Variants in NFX1 observed in about 807,000 individuals in gnomAD.
The protein encoded by NFX1 is transcriptional repressor NF-X1.
NFX1 carries 69 observed loss-of-function variants against 137.2 expected under a neutral mutation model. The ratio of observed to expected loss-of-function variants is 0.50; its 90% CI spans 0.41 to 0.61. The LOEUF (loss-of-function observed/expected upper bound fraction) is 0.61, where lower values mean the gene tolerates loss of function less well. NFX1 is among the 20% of genes least tolerant of loss of function. The probability of loss-of-function intolerance (pLI) is 0.00; values close to 1 mark genes in which losing one functional copy is unlikely to be tolerated. For synonymous variants in NFX1, 495 were observed against 474.1 expected (o/e 1.04, Z -0.57); for missense variants, 1,167 against 1,391.0 (o/e 0.84, Z 2.56).
At chr9:33,348,601 C>T (rs914091215) in intron 15 of NFX1, 21 of 205,238 alleles carry the variant, frequency 1.0e-4, no homozygotes, top group African/African-American at 3.5e-4. Flanking sequence ...GATGCAGACA[C>T]GAAATGAGCA....
chr9:33,296,087 TG>T (rs1002244345), intron 2 of NFX1, among the ~76,000 whole-genome samples: 12 of 152,086 alleles, frequency 7.9e-5, no homozygotes, highest in Admixed American at 7.2e-4. Context: ...CCACCATGCT[TG>T]GCTGATTTTT....
In NFX1 at chr9:33,354,909, G is replaced by A. The variant is rs1343946742; in HGVS notation, c.2873+17G>A. The stretch of plus-strand genomic sequence containing the variant: ...AAGGAAAAAGTAAGTAGTTGCAGCT[G>A]CTTTTTTAATCTCCTTGCCCTTGAG... On this transcript the variant is annotated intron_variant, in intron 19 of 23. Coordinates refer to ENST00000379540, the MANE Select transcript of NFX1 (RefSeq NM_002504.6). 2 of 1,613,334 alleles carry A rather than the reference G, an allele frequency of 1.2e-6. No homozygotes were observed. Among genetic ancestry groups the A allele is most frequent in the East Asian group, 2.2e-5 (1 of 44,880 alleles).
At position 33,370,144 on chromosome 9, in the gene NFX1, T is replaced by C. The variant is rs1587888046; in HGVS notation, c.*166T>C. On this transcript the variant is annotated 3_prime_UTR_variant, in exon 24 of 24. Coordinates refer to ENST00000379540, the MANE Select transcript of NFX1 (RefSeq NM_002504.6). ...GAGTGTGTCAGAAATCCCTTGTCTATTCCTGTCTGTATAAAGTGTTTCATT... is the reference window on the plus strand; with the variant it reads ...GAGTGTGTCAGAAATCCCTTGTCTACTCCTGTCTGTATAAAGTGTTTCATT... 3.9e-5 allele frequency: 23 copies of C among 585,664 alleles called. No homozygotes were observed. The East Asian group carries it at 6.7e-4, about 17-fold the overall frequency. 36.3% of individuals were successfully genotyped at this position (585,664 alleles called of 1,614,324 possible).
In NFX1 at chr9:33,318,809, G is replaced by A. The variant is rs1822274053; in HGVS notation, c.1667G>A (p.Ser556Asn). 1.2e-6 allele frequency: 2 copies of A among 1,614,104 alleles called. No individual in the cohort carries two copies. Among genetic ancestry groups the A allele is most frequent in the Non-Finnish European group, 8.5e-7 (1 of 1,180,048 alleles). The change falls in exon 8 of 24, where the codon AGC (serine) becomes AAC (asparagine). Residue 556 changes from serine to asparagine, a missense_variant. By Grantham distance (46) the Ser-to-Asn change is conservative. Transcript: ENST00000379540. ...AAGTCTGATGGATTTGGGGATTTCA[G>A]CTGTTTAAAGATATGTGGCAAGTAA... is the stretch of plus-strand genomic sequence containing the variant. ...VGKSDGFGDF[S>N]CLKICGKDLK...
At position 33,295,367 on chromosome 9, in the gene NFX1, G is replaced by C; in HGVS notation, c.973G>C (p.Val325Leu). Residue 325 changes from valine (V) to leucine (L), a missense_variant, in exon 2 of 24, where the codon GTA (valine) becomes CTA (leucine). Around this residue, in one of 3 missense-constraint regions of NFX1, gnomAD observed 488 missense variants for 691.5 expected, o/e 0.71. Coordinates refer to ENST00000379540, the MANE Select transcript of NFX1 (RefSeq NM_002504.6). ...TGTACGGAGGCAGGATCCTCAAGTA[G>C]TATCTCCTTTCTCCCGAGGCAAACA... ...CTVRRQDPQVVSPFSRGKQNH... is the reference protein window; with the variant it reads ...CTVRRQDPQVLSPFSRGKQNH... 6.2e-7 allele frequency: 1 copy of C among 1,614,106 alleles called. No homozygotes were observed. The highest frequency in any genetic ancestry group is 1.7e-5 in the Admixed American group (1 of 60,022).
At chr9:33,296,718 T>C (rs1041442638) in intron 2 of NFX1, among the ~76,000 whole-genome samples, 1 of 152,168 alleles carries the variant, frequency 6.6e-6, no homozygotes, top group African/African-American at 2.4e-5. Flanking sequence ...AGCAAGACCC[T>C]GTTTTGCGGG....
At chr9:33,332,008 G>A (rs1822824978) in intron 10 of NFX1, among the ~76,000 whole-genome samples, 1 of 152,174 alleles carries the variant, frequency 6.6e-6, no homozygotes, top group African/African-American at 2.4e-5. Flanking sequence ...CTGTAGTTTT[G>A]TGATATTATC....
chr9:33,351,298 A>G (rs1249102181), intron 15 of NFX1, among the ~76,000 whole-genome samples: 1 of 152,062 alleles, frequency 6.6e-6, no homozygotes, highest in Non-Finnish European at 1.5e-5. Context: ...TCTCTTAAAA[A>G]AAAATTCAAA....
intron 3 of NFX1, among the ~76,000 whole-genome samples, chr9:33,302,967 CTTTT>C (rs35723578): frequency 1.7e-5 from 2 of 119,296 alleles, no homozygotes; most frequent in East Asian, 2.3e-4. Context: ...CACACCTGGC[CTTTT>C]TTTTTTTTTT....
chr9:33,328,833 A>G (rs965805572), intron 10 of NFX1, among the ~76,000 whole-genome samples, 155 bp downstream of exon 10: 8 of 152,194 alleles, frequency 5.3e-5, no homozygotes, highest in Non-Finnish European at 7.3e-5. Context: ...TAAGGCAAAT[A>G]TACAGATCAC....
intron 4 of NFX1, among the ~76,000 whole-genome samples, chr9:33,306,275 G>T (rs141827607): frequency 6.6e-6 from 1 of 152,174 alleles, no homozygotes; most frequent in African/African-American, 2.4e-5. Flanking sequence ...CAGAGTTGAC[G>T]TCACTGACAG....
chr9:33,290,646 T>C, intron 1 of NFX1, 49 bp downstream of exon 1: 1 of 1,582,854 alleles, frequency 6.3e-7, no homozygotes, highest in Non-Finnish European at 8.6e-7. Context: ...GGAGCGGAAA[T>C]TGGGTCAGTG....
chr9:33,357,347 ATG>A (rs1215391807), intron 19 of NFX1, among the ~76,000 whole-genome samples: 1 of 151,840 alleles, frequency 6.6e-6, no homozygotes, highest in African/African-American at 2.4e-5. Flanking sequence ...ATATATATAT[ATG>A]TGAGTCTGTT....
At chr9:33,297,081 G>A (rs1034523509) in intron 2 of NFX1, among the ~76,000 whole-genome samples, 4 of 152,104 alleles carry the variant, frequency 2.6e-5, no homozygotes, top group East Asian at 1.9e-4. Flanking sequence ...TTTATCCTCC[G>A]GAGCAGCATA....
At chr9:33,315,973 C>T (rs540716292) in intron 7 of NFX1, among the ~76,000 whole-genome samples, 12 of 151,906 alleles carry the variant, frequency 7.9e-5, no homozygotes, top group African/African-American at 2.9e-4. Context: ...GTTCGAAACT[C>T]GGTGTTCTTT....
chr9:33,330,003 AG>A (rs1241793205), intron 10 of NFX1, among the ~76,000 whole-genome samples: 2 of 152,170 alleles, frequency 1.3e-5, no homozygotes, highest in African/African-American at 4.8e-5. Context: ...CATGTTGGCC[AG>A]GCTGGTCTTG....
chr9:33,294,573 T>G lies in NFX1; in HGVS notation c.179T>G (p.Val60Gly). 1 of 1,614,166 alleles carries G rather than the reference T, an allele frequency of 6.2e-7. No individual in the cohort carries two copies. The highest frequency in any genetic ancestry group is 8.5e-7 in the Non-Finnish European group (1 of 1,180,016). ...SPPPCHLSRQVPYDEISAVHQ... is the reference protein window; with the variant it reads ...SPPPCHLSRQGPYDEISAVHQ... ...CCTCCCTGTCACCTTTCCAGGCAGG[T>G]CCCTTATGATGAAATCTCTGCTGTT... The change falls in exon 2 of 24, where the codon GTC becomes GGC. Residue 60 changes from valine (V) to glycine (G), a missense_variant. Physicochemically the swap from Val to Gly is moderately radical, Grantham distance 109. Transcript: ENST00000379540.
chr9:33,298,669 A>G (rs922938740), intron 2 of NFX1, among the ~76,000 whole-genome samples: 4 of 152,226 alleles, frequency 2.6e-5, no homozygotes, highest in African/African-American at 9.6e-5. Flanking sequence ...CTATAGTCCC[A>G]GCTACTCAAG....
At chr9:33,301,066 C>T (rs1821545275) in intron 2 of NFX1, among the ~76,000 whole-genome samples, 197 bp from the exon 3 acceptor site, 1 of 152,224 alleles carries the variant, frequency 6.6e-6, no homozygotes, top group African/African-American at 2.4e-5. Context: ...CTTCCTAAAT[C>T]CTCTTCCTCA....
Sources: gnomAD v4.1 joint callset for allele counts (sites outside exome capture counted in the v4.1 genomes callset) on GRCh38, gnomAD v4.1.1 for gene constraint, gnomAD v4.1.1 regional missense constraint, MANE v1.5 for transcripts, NCBI Gene and HGNC (gene_info 2026-07-23, HGNC 2026-07-21) for gene names.